The following HORMAD2 variants were observed in gnomAD, a reference collection of about 807,000 sequenced individuals.
The protein encoded by HORMAD2 is HORMA domain containing 2, also known as HORMA domain-containing protein 2.
HORMAD2 carries 45 observed loss-of-function variants against 38.8 expected under a neutral mutation model. The observed-to-expected ratio is 1.16, with a 90% confidence interval of 0.91 to 1.49. The LOEUF (loss-of-function observed/expected upper bound fraction) is 1.49. Ranked by LOEUF, HORMAD2 falls within the 40% of genes most tolerant of loss-of-function variation. HORMAD2 has a pLI of 0.00. For missense variants in HORMAD2, 338 were observed against 367.0 expected (o/e 0.92, Z 0.65); for synonymous variants, 126 against 122.8 (o/e 1.03, Z -0.17).
chr22:30,098,755 G>A, intron 2 of HORMAD2, 97 bp from the exon 3 acceptor site: 4 of 1,025,442 alleles, frequency 3.9e-6, no homozygotes, highest in Non-Finnish European at 5.5e-6. Flanking sequence ...CAAATTTGAA[G>A]TCCTGAGAAA....
At chr22:30,082,902 C>T (rs1296210286) in intron 1 of HORMAD2, among the ~76,000 whole-genome samples, 1 of 151,976 alleles carries the variant, frequency 6.6e-6, no homozygotes, top group Non-Finnish European at 1.5e-5. Flanking sequence ...TGAATCTTTA[C>T]CAGAAAGAGC....
At chr22:30,086,140 A>T (rs2068567011) in intron 1 of HORMAD2, among the ~76,000 whole-genome samples, 1 of 151,458 alleles carries the variant, frequency 6.6e-6, no homozygotes, top group African/African-American at 2.4e-5. Flanking sequence ...AGTGTGTAGC[A>T]CCTCCCCTTT....
downstream of HORMAD2, chr22:30,177,132 C>T (rs1926504353): frequency 6.6e-6 from 1 of 152,268 alleles, no homozygotes; most frequent in Admixed American, 6.6e-5. Context: ...TTGCTAACAT[C>T]AGTATCTCTC....
At chr22:30,161,457 T>C (rs1301138209) in intron 10 of HORMAD2, among the ~76,000 whole-genome samples, 3 of 152,248 alleles carry the variant, frequency 2.0e-5, no homozygotes, top group Non-Finnish European at 1.5e-5. Context: ...GTACATCTAA[T>C]GACACCATCA....
intron 10 of HORMAD2, among the ~76,000 whole-genome samples, chr22:30,129,217 C>CAAAAAAAAA (rs750796623): frequency 1.8e-4 from 4 of 22,630 alleles, no homozygotes; most frequent in Admixed American, 7.6e-4. Context: ...GACTCTATCT[C>CAAAAAAAAA]AAAAAAAAAA....
At chr22:30,192,718 T>A in the HORMAD2 span, among the ~76,000 whole-genome samples, 1 of 152,158 alleles carries the variant, frequency 6.6e-6, no homozygotes, top group African/African-American at 2.4e-5. Flanking sequence ...TTGTTCTGTG[T>A]AAGAGTAGAA....
At chr22:30,199,408 C>A in the HORMAD2 span, among the ~76,000 whole-genome samples, 1 of 152,208 alleles carries the variant, frequency 6.6e-6, no homozygotes, top group African/African-American at 2.4e-5. Context: ...AAATGACGTT[C>A]TGTGCTGCTA....
At chr22:30,174,414 T>C (rs922461985) in intron 10 of HORMAD2, among the ~76,000 whole-genome samples, 3 of 152,216 alleles carry the variant, frequency 2.0e-5, no homozygotes, top group African/African-American at 7.2e-5. Context: ...TATTTGTCTA[T>C]GTTAAGAAGT....
rs1926497824 is a variant in HORMAD2 at position 30,177,028 on chromosome 22, TA to T, written c.*864del. The T allele has an allele frequency of 6.5e-6, 1 of 152,692 alleles. No homozygotes were observed. The highest frequency in any genetic ancestry group is 2.4e-5 in the African/African-American group (1 of 41,426). The allele number at this position is 152,692 out of a possible 1,614,324, so 9.5% of individuals were successfully genotyped here. The stretch of plus-strand genomic sequence containing the variant: ...ATTTAAATGGATAGGACCAATAAGT[TA>T]AATATTAAGTGTGTGACTTATGGTT... On this transcript the variant is annotated 3_prime_UTR_variant, in exon 11 of 11. Transcript: ENST00000336726.
At chr22:30,156,045 C>G (rs980375790) in intron 10 of HORMAD2, among the ~76,000 whole-genome samples, 1 of 152,156 alleles carries the variant, frequency 6.6e-6, no homozygotes, top group African/African-American at 2.4e-5. Context: ...CTGGCATTCC[C>G]ACTGTGGGTC....
At chr22:30,141,896 A>G (rs886564206) in intron 10 of HORMAD2, among the ~76,000 whole-genome samples, 4 of 152,124 alleles carry the variant, frequency 2.6e-5, no homozygotes, top group South Asian at 2.1e-4. Flanking sequence ...CGCCCAGCCG[A>G]ACATACTTTT....
intron 10 of HORMAD2, among the ~76,000 whole-genome samples, chr22:30,147,274 T>C (rs1924473924): frequency 6.6e-6 from 1 of 152,134 alleles, no homozygotes; most frequent in Non-Finnish European, 1.5e-5. Flanking sequence ...GTGCTAAGGA[T>C]AGACATATAG....
chr22:30,201,010 A>G, the HORMAD2 span, among the ~76,000 whole-genome samples: 1 of 152,256 alleles, frequency 6.6e-6, no homozygotes, highest in South Asian at 2.1e-4. Context: ...TCGGCCTCCC[A>G]AAGTGCTGGG....
intron 10 of HORMAD2, among the ~76,000 whole-genome samples, chr22:30,163,330 C>T (rs1027287189): frequency 1.3e-5 from 2 of 152,180 alleles, no homozygotes; most frequent in Non-Finnish European, 2.9e-5. Context: ...TTTTGATTAT[C>T]TGGATATAGT....
chr22:30,091,232 TTC>T (rs778425126), intron 1 of HORMAD2, among the ~76,000 whole-genome samples: 8 of 150,916 alleles, frequency 5.3e-5, no homozygotes, highest in South Asian at 2.1e-4. Flanking sequence ...CTTTTTCTCT[TTC>T]TCTCTCTCTC....
At chr22:30,183,628 A>C in the HORMAD2 span, among the ~76,000 whole-genome samples, 140,779 of 152,324 alleles carry the variant, frequency 0.92, 65,120 homozygotes, top group East Asian at 1. Flanking sequence ...AAATCACTTG[A>C]TGAAGGTCAC....
intron 10 of HORMAD2, among the ~76,000 whole-genome samples, chr22:30,157,782 T>C (rs1451910396): frequency 6.6e-6 from 1 of 152,298 alleles, no homozygotes; most frequent in African/African-American, 2.4e-5. Flanking sequence ...ATTTCACTTG[T>C]CACTCAGAGA....
chr22:30,139,894 A>T (rs1209293947), intron 10 of HORMAD2, among the ~76,000 whole-genome samples: 1 of 151,968 alleles, frequency 6.6e-6, no homozygotes, highest in Non-Finnish European at 1.5e-5. Context: ...TGATTTTCAG[A>T]TATTAACCCA....
chr22:30,103,376 G>A, intron 3 of HORMAD2, 61 bp from the exon 4 acceptor site: 1 of 910,916 alleles, frequency 1.1e-6, no homozygotes. Context: ...ATTTAGCATG[G>A]ACAATTTCAG....
Sources: gnomAD v4.1 joint callset for allele counts (sites outside exome capture counted in the v4.1 genomes callset) on GRCh38, gnomAD v4.1.1 for gene constraint, MANE v1.5 for transcripts, NCBI Gene and HGNC (gene_info 2026-07-23, HGNC 2026-07-21) for gene names.